IFT56: variants seen among roughly 807,000 people sequenced by gnomAD.
IFT56 encodes intraflagellar transport 56, also known as intraflagellar transport protein 56.
chr7:139,189,819 A>C, the IFT56 span: 6 of 154,930 alleles, frequency 3.9e-5, no homozygotes, highest in African/African-American at 1.4e-4. Context: ...TCATTGTATC[A>C]TTTAACTTTA....
chr7:139,142,207 C>G, the IFT56 span: 2 of 1,604,432 alleles, frequency 1.2e-6, no homozygotes, highest in Admixed American at 3.3e-5. Context: ...CTACAAGGGA[C>G]TGCTAGACTG....
At chr7:139,189,430 T>C in the IFT56 span, 1 of 1,604,182 alleles carries the variant, frequency 6.2e-7, no homozygotes, top group Non-Finnish European at 8.5e-7. Context: ...AGTGTCCATC[T>C]AAAATAGCGC....
At chr7:139,165,248 G>A in the IFT56 span, 2 of 1,585,892 alleles carry the variant, frequency 1.3e-6, no homozygotes, top group Non-Finnish European at 1.7e-6. Flanking sequence ...AGAAAAATTT[G>A]TCCTGGTCTT....
the IFT56 span, among the ~76,000 whole-genome samples, chr7:139,156,628 A>G: frequency 2.0e-5 from 3 of 152,040 alleles, no homozygotes; most frequent in Non-Finnish European, 4.4e-5. Context: ...ATTTAAGTCC[A>G]TATTCTACAT....
At chr7:139,188,414 GAAAC>G in the IFT56 span, among the ~76,000 whole-genome samples, 1 of 151,906 alleles carries the variant, frequency 6.6e-6, no homozygotes, top group Non-Finnish European at 1.5e-5. Flanking sequence ...AGTTTCATTT[GAAAC>G]AAACATTAAA....
the IFT56 span, chr7:139,147,409 T>A: frequency 5.8e-6 from 5 of 854,788 alleles, no homozygotes; most frequent in African/African-American, 8.5e-5. Context: ...ATCTGTTTAG[T>A]TGATAATTTG....
the IFT56 span, among the ~76,000 whole-genome samples, chr7:139,177,134 T>A: frequency 1.2e-4 from 18 of 145,948 alleles, no homozygotes; most frequent in African/African-American, 4.6e-4. Flanking sequence ...ATCGCACCAC[T>A]GCACTTCACC....
At chr7:139,162,683 G>A in the IFT56 span, among the ~76,000 whole-genome samples, 2 of 152,134 alleles carry the variant, frequency 1.3e-5, no homozygotes, top group Admixed American at 1.3e-4. Context: ...TATTTTGGCC[G>A]GTCGCGGAGG....
chr7:139,169,295 C>T, the IFT56 span: 1 of 1,613,894 alleles, frequency 6.2e-7, no homozygotes, highest in East Asian at 2.2e-5. Context: ...TCAGAGGGAT[C>T]ATATGAAAAT....
At chr7:139,174,292 C>T in the IFT56 span, 10 of 565,196 alleles carry the variant, frequency 1.8e-5, no homozygotes, top group African/African-American at 5.7e-5. Flanking sequence ...GGGCGTCCCA[C>T]GGGAGCCCAC....
the IFT56 span, among the ~76,000 whole-genome samples, chr7:139,136,731 A>G: frequency 4.6e-5 from 7 of 152,286 alleles, no homozygotes; most frequent in South Asian, 1.2e-3. Flanking sequence ...TGGCCTCCCA[A>G]AATGCTGGGA....
At chr7:139,138,590 T>G in the IFT56 span, among the ~76,000 whole-genome samples, 7 of 152,194 alleles carry the variant, frequency 4.6e-5, no homozygotes, top group Admixed American at 4.6e-4. Flanking sequence ...TTAGCATTTA[T>G]TAAGTCAATC....
At chr7:139,169,192 T>G in the IFT56 span, 1 of 1,051,716 alleles carries the variant, frequency 9.5e-7, no homozygotes, top group Non-Finnish European at 1.4e-6. Flanking sequence ...AAAACAAAGG[T>G]ATATTTAAAT....
At chr7:139,159,476 GT>G in the IFT56 span, among the ~76,000 whole-genome samples, 29 of 152,214 alleles carry the variant, frequency 1.9e-4, no homozygotes, top group African/African-American at 5.5e-4. Context: ...AGAAAATTCT[GT>G]TTTATCCTTC....
the IFT56 span, chr7:139,172,694 T>C: frequency 4.8e-6 from 3 of 622,400 alleles, no homozygotes; most frequent in Admixed American, 5.5e-5. Flanking sequence ...TTCTGGAAGT[T>C]TTACAAACAA....
the IFT56 span, among the ~76,000 whole-genome samples, chr7:139,172,104 T>G: frequency 1.1e-4 from 17 of 150,460 alleles, no homozygotes; most frequent in African/African-American, 3.2e-4. Flanking sequence ...TTGCTCAGCT[T>G]CATCAAAAGA....
chr7:139,178,530 G>C, the IFT56 span: 1 of 1,613,936 alleles, frequency 6.2e-7, no homozygotes, highest in Non-Finnish European at 8.5e-7. Context: ...CTTCTATAAT[G>C]ATGACATCTT....
chr7:139,140,254 T>C, the IFT56 span, among the ~76,000 whole-genome samples: 20 of 152,256 alleles, frequency 1.3e-4, 1 homozygote, highest in East Asian at 2.7e-3. Context: ...CCAGGTGTCT[T>C]TCTTAGGCCC....
At chr7:139,146,564 A>C in the IFT56 span, among the ~76,000 whole-genome samples, 1 of 152,046 alleles carries the variant, frequency 6.6e-6, no homozygotes, top group African/African-American at 2.4e-5. Context: ...TCAGGAGTTC[A>C]AGACCAGCCT....
Sources: gnomAD v4.1 joint callset for allele counts (sites outside exome capture counted in the v4.1 genomes callset) on GRCh38, gnomAD v4.1.1 for gene constraint, MANE v1.5 for transcripts, NCBI Gene and HGNC (gene_info 2026-07-23, HGNC 2026-07-21) for gene names.